The following VPS26B variants were observed in gnomAD, a reference collection of about 807,000 sequenced individuals.
VPS26B encodes vacuolar protein sorting-associated protein 26B.
In VPS26B, 10 loss-of-function variants were observed where a neutral mutation model predicts 33.3. The observed-to-expected ratio is 0.30, with a 90% CI of 0.19 to 0.51. The LOEUF is 0.51. Ranked by LOEUF, VPS26B falls within the 20% of genes least tolerant of loss-of-function variation. The pLI is 0.98. For synonymous variants in VPS26B, 190 were observed against 176.9 expected (o/e 1.07, Z -0.59); for missense variants, 317 against 452.7 (o/e 0.70, Z 2.72).
intron 1 of VPS26B, among the ~76,000 whole-genome samples, chr11:134,234,410 C>G (rs1188792402): frequency 6.6e-6 from 1 of 152,226 alleles, no homozygotes; most frequent in East Asian, 1.9e-4. Context: ...AGCTCTGCAG[C>G]CAGCTCTGCG....
At chr11:134,239,225 C>T (rs907396024) in intron 2 of VPS26B, among the ~76,000 whole-genome samples, 5 of 152,150 alleles carry the variant, frequency 3.3e-5, no homozygotes, top group African/African-American at 1.2e-4. Flanking sequence ...CAGACCAGGT[C>T]CTGTCTGCCC....
At chr11:134,225,779 C>T (rs523621) in intron 1 of VPS26B, among the ~76,000 whole-genome samples, 84,745 of 151,944 alleles carry the variant, frequency 0.56, 26,487 homozygotes, top group South Asian at 0.75. Flanking sequence ...AACTGCCAGA[C>T]GCAAAGTGAG....
chr11:134,234,843 C>CG, intron 1 of VPS26B, 54 bp from the exon 2 acceptor site: 1 of 1,585,988 alleles, frequency 6.3e-7, no homozygotes, highest in South Asian at 1.2e-5. Context: ...CTACTCGGCC[C>CG]GGTGTAGCTC....
intron 2 of VPS26B, among the ~76,000 whole-genome samples, chr11:134,239,099 C>T (rs1399419770): frequency 2.0e-5 from 3 of 152,110 alleles, no homozygotes; most frequent in Non-Finnish European, 4.4e-5. Flanking sequence ...CACTGGCGGG[C>T]CACAGAGGGC....
chr11:134,241,229 C>A (rs909516029), intron 3 of VPS26B, among the ~76,000 whole-genome samples: 34 of 152,262 alleles, frequency 2.2e-4, no homozygotes, highest in African/African-American at 7.9e-4. Flanking sequence ...CATTGTGGCA[C>A]CCCCTGGACC....
rs999777004 is a variant in VPS26B at position 134,245,732 on chromosome 11, A to C, written c.*142A>C. The C allele has an allele frequency of 2.5e-6, 3 of 1,201,890 alleles. No individual in the cohort carries two copies. The highest frequency in any genetic ancestry group is 1.6e-5 in the South Asian group (1 of 62,882). 74.5% of individuals were successfully genotyped at this position (1,201,890 alleles called of 1,614,324 possible). A position where few individuals can be genotyped will look rare whatever the true frequency, so the allele number is the denominator to read the frequency against. On this transcript the variant is annotated 3_prime_UTR_variant, in exon 6 of 6. Coordinates refer to ENST00000281187, the MANE Select transcript of VPS26B (RefSeq NM_052875.5). This position sits in a 1 kb window ranked among gnomAD's most constrained non-coding sequence, Gnocchi z 4.7. ...AAAACAAATCATGTTTTTGACTTAA[A>C]TTCTTTTCTCTGGAGAACCCAAGGG...
chr11:134,239,954 T>G (rs1938691612), intron 2 of VPS26B, 37 bp from the exon 3 acceptor site: 1 of 1,613,424 alleles, frequency 6.2e-7, no homozygotes, highest in African/African-American at 1.3e-5. Flanking sequence ...ATCTGGAGAC[T>G]GGGAGTGTTT....
Position 134,245,711 on chromosome 11 carries a change from C to CATGAT in VPS26B, c.*122_*123insTGATA. 7.7e-7 allele frequency: 1 copy of CATGAT among 1,291,604 alleles called. No homozygotes were observed. The highest frequency in any genetic ancestry group is 1.0e-6 in the Non-Finnish European group (1 of 964,526). 80.0% of individuals were successfully genotyped at this position (1,291,604 alleles called of 1,614,324 possible). ...TGACCCGTTACTTGCAACCTGAAAA[C>CATGAT]AAATCATGTTTTTGACTTAAATTCT... On this transcript the variant is annotated 3_prime_UTR_variant, in exon 6 of 6. Coordinates refer to ENST00000281187, the MANE Select transcript of VPS26B (RefSeq NM_052875.5). The surrounding 1 kb of genome is among the most constrained non-coding windows in gnomAD (Gnocchi z 4.7).
In VPS26B at chr11:134,225,077, T is replaced by C; in HGVS notation, c.-46T>C. ...TTACCTAGGGCAGCCCGCGCCCCGG[T>C]GCGAGGGAGCGGTCCTTACCGAGAC... is the stretch of plus-strand genomic sequence containing the variant. On this transcript the variant is annotated 5_prime_UTR_variant, in exon 1 of 6. Coordinates refer to ENST00000281187, the MANE Select transcript of VPS26B (RefSeq NM_052875.5). 6.5e-7 allele frequency: 1 copy of C among 1,531,990 alleles called. No individual in the cohort carries two copies. Among genetic ancestry groups the C allele is most frequent in the Non-Finnish European group, 8.8e-7 (1 of 1,131,470 alleles). The allele number at this position is 1,531,990 out of a possible 1,614,324, so 94.9% of individuals were successfully genotyped here.
intron 2 of VPS26B, among the ~76,000 whole-genome samples, chr11:134,238,895 A>G (rs993726702): frequency 1.2e-4 from 19 of 152,200 alleles, no homozygotes; most frequent in African/African-American, 3.4e-4. Flanking sequence ...GCGCCTGGCC[A>G]TATCTTTATA....
intron 2 of VPS26B, chr11:134,235,315 TG>T (rs1374483870): frequency 2.9e-6 from 1 of 344,158 alleles, no homozygotes; most frequent in Non-Finnish European, 5.3e-6. Context: ...AATGTAGAGG[TG>T]GGAGAGATGT....
Position 134,245,218 on chromosome 11 carries a change from T to C in VPS26B, c.864+138T>C, listed in dbSNP as rs1938791484. The C allele has an allele frequency of 2.2e-6, 3 of 1,364,856 alleles. No homozygotes were observed. Among genetic ancestry groups the C allele is most frequent in the Middle Eastern group, 2.1e-4 (1 of 4,674 alleles). 84.5% of individuals were successfully genotyped at this position (1,364,856 alleles called of 1,614,324 possible). A position where few individuals can be genotyped will look rare whatever the true frequency, so the allele number is the denominator to read the frequency against. Reference sequence around the variant, plus strand: ...CACAATTGCACAACAAGAATGAGGATTCTCACCTGGCCTTAGAGTCTGCTT... The same window carrying C: ...CACAATTGCACAACAAGAATGAGGACTCTCACCTGGCCTTAGAGTCTGCTT... On this transcript the variant is annotated intron_variant, in intron 5 of 5. Coordinates refer to ENST00000281187, the MANE Select transcript of VPS26B (RefSeq NM_052875.5). The surrounding 1 kb of genome is among the most constrained non-coding windows in gnomAD (Gnocchi z 4.7).
chr11:134,245,310 C>T lies in VPS26B; in HGVS notation c.865-134C>T. On this transcript the variant is annotated intron_variant, in intron 5 of 5. Transcript: ENST00000281187. The surrounding 1 kb of genome is among the most constrained non-coding windows in gnomAD (Gnocchi z 4.7). Reference sequence around the variant, plus strand: ...ACCAGGGACAGGGAGGTGCTGGCAGCTGCTGCCTTTGGTGAGAGAGAAGCA... The same window carrying T: ...ACCAGGGACAGGGAGGTGCTGGCAGTTGCTGCCTTTGGTGAGAGAGAAGCA... 1.4e-6 allele frequency: 2 copies of T among 1,391,182 alleles called. No homozygotes were observed. Among genetic ancestry groups the T allele is most frequent in the South Asian group, 2.7e-5 (2 of 73,176 alleles). 86.2% of individuals were successfully genotyped at this position (1,391,182 alleles called of 1,614,324 possible).
chr11:134,246,187 C>T lies in VPS26B; in HGVS notation c.*597C>T, dbSNP rs528896584. 1 of 153,710 alleles carries T rather than the reference C, an allele frequency of 6.5e-6. No individual in the cohort carries two copies. Among genetic ancestry groups the T allele is most frequent in the Admixed American group, 6.4e-5 (1 of 15,560 alleles). The allele number at this position is 153,710 out of a possible 1,614,324, so 9.5% of individuals were successfully genotyped here. ...CTGGGACCCAGGCACCTCCCTTCTC[C>T]ATCCTCTCTGGATTGTCAGTAATGT... On this transcript the variant is annotated 3_prime_UTR_variant, in exon 6 of 6. Coordinates refer to ENST00000281187, the MANE Select transcript of VPS26B (RefSeq NM_052875.5).
At chr11:134,229,120 C>T in intron 1 of VPS26B, among the ~76,000 whole-genome samples, 1 of 152,172 alleles carries the variant, frequency 6.6e-6, no homozygotes, top group East Asian at 1.9e-4. Flanking sequence ...GCCTCAACCC[C>T]CTGGGCTCAA....
At chr11:134,230,125 G>T (rs559754855) in intron 1 of VPS26B, among the ~76,000 whole-genome samples, 2 of 152,234 alleles carry the variant, frequency 1.3e-5, no homozygotes, top group South Asian at 4.1e-4. Flanking sequence ...TCTTCCAGAG[G>T]CCTCATTAAT....
Position 134,246,675 on chromosome 11 carries a change from T to C in VPS26B, c.*1085T>C, listed in dbSNP as rs187468030. On this transcript the variant is annotated 3_prime_UTR_variant, in exon 6 of 6. Coordinates refer to ENST00000281187, the MANE Select transcript of VPS26B (RefSeq NM_052875.5). ...CTGCCACACTTCCGAATCATTCTGCTTGCCAAATAGGTCATCTTCACCAGT... is the reference window on the plus strand; with the variant it reads ...CTGCCACACTTCCGAATCATTCTGCCTGCCAAATAGGTCATCTTCACCAGT... 51 of 152,508 alleles carry C rather than the reference T, an allele frequency of 3.3e-4. No homozygotes were observed. Among genetic ancestry groups the C allele is most frequent in the African/African-American group, 1.2e-3 (49 of 41,484 alleles). 9.4% of individuals were successfully genotyped at this position (152,508 alleles called of 1,614,324 possible).
rs374260558 is a variant in VPS26B at position 134,245,452 on chromosome 11, G to A, written c.873G>A (p.Val291=). The A allele has an allele frequency of 2.5e-6, 4 of 1,613,912 alleles. No homozygotes were observed. The highest frequency in any genetic ancestry group is 2.7e-5 in the African/African-American group (2 of 74,942). Residue 291 remains valine (V), a synonymous_variant, in exon 6 of 6, where the codon GTG becomes GTA. Coordinates refer to ENST00000281187, the MANE Select transcript of VPS26B (RefSeq NM_052875.5). The surrounding 1 kb of genome is among the most constrained non-coding windows in gnomAD (Gnocchi z 4.7). ...CCCTTTCAATTCTGCAGGAAGTGGT[G>A]TTGTGGCGGAAGGGTGACATCGTAC... ...ERRYFKQQEV[V]LWRKGDIVRK...
chr11:134,244,796 GC>G lies in VPS26B; in HGVS notation c.722-141del. The G allele has an allele frequency of 8.5e-7, 1 of 1,179,272 alleles. No homozygotes were observed. The highest frequency in any genetic ancestry group is 1.1e-6 in the Non-Finnish European group (1 of 870,490). 73.1% of individuals were successfully genotyped at this position (1,179,272 alleles called of 1,614,324 possible). A position where few individuals can be genotyped will look rare whatever the true frequency, so the allele number is the denominator to read the frequency against. On this transcript the variant is annotated intron_variant, in intron 4 of 5. Coordinates refer to ENST00000281187, the MANE Select transcript of VPS26B (RefSeq NM_052875.5). This position sits in a 1 kb window ranked among gnomAD's most constrained non-coding sequence, Gnocchi z 4.0. ...TTTTGTTTCAGCCACCTGCTGGGCA[GC>G]AGAGCGACTGCACCTTCCCAGAAGG... is the stretch of plus-strand genomic sequence containing the variant.
Sources: gnomAD v4.1 joint callset for allele counts (sites outside exome capture counted in the v4.1 genomes callset) on GRCh38, gnomAD v4.1.1 for gene constraint, Gnocchi (gnomAD v3.1) non-coding constraint, MANE v1.5 for transcripts, NCBI Gene and HGNC (gene_info 2026-07-23, HGNC 2026-07-21) for gene names.